Variants in DPP6 observed in about 807,000 individuals in gnomAD.
DPP6 encodes A-type potassium channel modulatory protein DPP6.
In DPP6, 69 loss-of-function variants were observed where a neutral mutation model predicts 122.6. The ratio of observed to expected loss-of-function variants is 0.56; its 90% CI spans 0.46 to 0.69. DPP6 has a LOEUF of 0.69. DPP6 is among the 30% of genes least tolerant of loss of function. The pLI, the probability that DPP6 is intolerant of heterozygous loss-of-function variation, is 0.00. For missense variants in DPP6, 928 were observed against 1,116.9 expected (o/e 0.83, Z 2.41); for synonymous variants, 418 against 433.1 (o/e 0.97, Z 0.43).
In DPP6 at chr7:154,891,613, G is replaced by C. The variant is rs538292025; in HGVS notation, c.2452-721G>C. Among the ~76,000 whole-genome samples, 8 of 152,256 alleles carry C rather than the reference G, an allele frequency of 5.3e-5. No homozygotes were observed. The South Asian group carries it at 1.4e-3, about 28-fold the overall frequency. On this transcript the variant is annotated intron_variant, in intron 25 of 25. Transcript: ENST00000377770. ...CTTCCACGGGAGTTTCCCACACTCA[G>C]AGTGTAACTGAGAGAGCATAGGAGT...
At chr7:154,046,030 C>G (rs1311460425) in intron 1 of DPP6, among the ~76,000 whole-genome samples, 1 of 151,998 alleles carries the variant, frequency 6.6e-6, no homozygotes, top group Non-Finnish European at 1.5e-5. Context: ...ACTTACCCAA[C>G]AAGTATTTAT....
At chr7:154,613,388 G>A (rs1259026773) in intron 5 of DPP6, among the ~76,000 whole-genome samples, 1 of 152,046 alleles carries the variant, frequency 6.6e-6, no homozygotes, top group Non-Finnish European at 1.5e-5. Flanking sequence ...GGGTGGCTGA[G>A]GCAGGCAGAT....
intron 6 of DPP6, among the ~76,000 whole-genome samples, chr7:154,647,531 G>A (rs985098974): frequency 5.9e-5 from 9 of 152,072 alleles, no homozygotes; most frequent in Non-Finnish European, 1.0e-4. Context: ...CGGCTCTTCC[G>A]GGGTCTGTCC....
chr7:154,082,618 C>T (rs945600673), intron 1 of DPP6, among the ~76,000 whole-genome samples: 1 of 151,918 alleles, frequency 6.6e-6, no homozygotes, highest in Non-Finnish European at 1.5e-5. Context: ...AGTTGCCATT[C>T]CTTTCTTAGG....
intron 12 of DPP6, among the ~76,000 whole-genome samples, chr7:154,801,150 T>C (rs536708784): frequency 6.6e-6 from 1 of 152,192 alleles, no homozygotes; most frequent in African/African-American, 2.4e-5. Context: ...TCTTAATTCC[T>C]CCATCTTCTT....
intron 1 of DPP6, among the ~76,000 whole-genome samples, chr7:153,997,065 TA>T (rs368623903): frequency 1.4e-3 from 206 of 152,196 alleles, no homozygotes; most frequent in African/African-American, 4.9e-3. Flanking sequence ...CCAATGACAC[TA>T]ATGACTACTT....
intron 1 of DPP6, among the ~76,000 whole-genome samples, chr7:154,275,422 G>T (rs1197425562): frequency 6.6e-6 from 1 of 152,158 alleles, no homozygotes; most frequent in African/African-American, 2.4e-5. Flanking sequence ...GGAACAAAGA[G>T]CCGGAACCCT....
At chr7:153,961,338 ATTTTT>A (rs1323468598) in intron 1 of DPP6, among the ~76,000 whole-genome samples, 1 of 67,610 alleles carries the variant, frequency 1.5e-5, no homozygotes, top group African/African-American at 9.8e-5. Context: ...CTTTTTCCTC[ATTTTT>A]TTATTTTATT....
chr7:154,478,845 A>G (rs184467589), intron 3 of DPP6, among the ~76,000 whole-genome samples: 23 of 152,226 alleles, frequency 1.5e-4, no homozygotes, highest in Non-Finnish European at 2.5e-4. Context: ...TGAAGTCTCT[A>G]TTCTAGCTTT....
intron 1 of DPP6, among the ~76,000 whole-genome samples, chr7:154,257,667 A>C (rs1484120694): frequency 1.3e-5 from 2 of 152,210 alleles, no homozygotes; most frequent in Non-Finnish European, 2.9e-5. Context: ...ACTGCACTCC[A>C]GCCTGGGCAA....
intron 8 of DPP6, among the ~76,000 whole-genome samples, chr7:154,744,482 T>C (rs1042055658): frequency 6.6e-6 from 1 of 152,220 alleles, no homozygotes; most frequent in African/African-American, 2.4e-5. Flanking sequence ...TGTTGATTTG[T>C]GGGAATTTGC....
chr7:154,025,780 C>CTATA (rs1563111290), intron 1 of DPP6, among the ~76,000 whole-genome samples: 1 of 151,864 alleles, frequency 6.6e-6, no homozygotes, highest in Non-Finnish European at 1.5e-5. Context: ...TACTGTATTG[C>CTATA]TATATAAAAT....
intron 1 of DPP6, among the ~76,000 whole-genome samples, chr7:154,433,148 T>TG (rs1196512157): frequency 1.5e-5 from 2 of 130,292 alleles, no homozygotes; most frequent in East Asian, 4.4e-4. Context: ...TTTTTTTTTT[T>TG]TTTTTTTTTT....
chr7:153,916,832 C>A (rs913441966), intron 1 of DPP6, among the ~76,000 whole-genome samples: 5 of 152,140 alleles, frequency 3.3e-5, no homozygotes, highest in African/African-American at 1.2e-4. Context: ...TTTTATTACT[C>A]TGTGTGTGTA....
At chr7:154,835,628 A>G (rs76556931) in intron 16 of DPP6, among the ~76,000 whole-genome samples, 4,075 of 152,238 alleles carry the variant, frequency 0.027, 178 homozygotes, top group African/African-American at 0.092. Context: ...TCAGGCCCCA[A>G]TCACAAACCC....
At chr7:154,447,136 T>A (rs1819947866) in intron 2 of DPP6, among the ~76,000 whole-genome samples, 1 of 152,086 alleles carries the variant, frequency 6.6e-6, no homozygotes, top group Non-Finnish European at 1.5e-5. Flanking sequence ...TGAAACCTCG[T>A]CTCTACTAAA....
At chr7:154,281,763 A>G (rs1328423921) in intron 1 of DPP6, among the ~76,000 whole-genome samples, 1 of 152,214 alleles carries the variant, frequency 6.6e-6, no homozygotes, top group Non-Finnish European at 1.5e-5. Context: ...GACGGATTTC[A>G]GCATCAGAAT....
intron 1 of DPP6, among the ~76,000 whole-genome samples, chr7:153,927,999 T>C (rs1800981352): frequency 6.6e-6 from 1 of 152,154 alleles, no homozygotes; most frequent in Non-Finnish European, 1.5e-5. Flanking sequence ...CAAGGGACCC[T>C]CCGCCTCTCT....
intron 1 of DPP6, among the ~76,000 whole-genome samples, chr7:154,190,151 C>A (rs1295329627): frequency 6.6e-6 from 1 of 152,138 alleles, no homozygotes; most frequent in African/African-American, 2.4e-5. Context: ...CCAGAATTTG[C>A]AAAATCAATA....
Sources: allele counts gnomAD v4.1 joint callset (sites outside exome capture counted in the v4.1 genomes callset), GRCh38; gene constraint gnomAD v4.1.1; transcripts MANE v1.5; gene names NCBI Gene and HGNC (gene_info 2026-07-23, HGNC 2026-07-21).